Variants in SYNE2 observed in about 807,000 individuals in gnomAD.
SYNE2 encodes the protein nesprin-2.
SYNE2 carries 431 observed loss-of-function variants against 856.3 expected under a neutral mutation model. That is an observed-to-expected ratio of 0.50 (90% CI 0.47 to 0.55). The LOEUF is 0.55. SYNE2 is among the 20% of genes least tolerant of loss of function. SYNE2 has a pLI of 0.00. For missense variants in SYNE2, 8,129 were observed against 8,023.2 expected, an observed-to-expected ratio of 1.01 and a Z score of -0.50; for synonymous variants, 2,923 against 2,872.3, an observed-to-expected ratio of 1.02 and a Z score of -0.56.
intron 64 of SYNE2, among the ~76,000 whole-genome samples, chr14:64,102,557 A>G (rs554586811): frequency 2.3e-4 from 30 of 129,032 alleles, no homozygotes; most frequent in African/African-American, 7.5e-4. Context: ...TATTTATGGT[A>G]TACAACATGT....
rs745970190 is a variant in SYNE2, at chr14:64,026,756, C to T, written c.6404+26C>T. The T allele has an allele frequency of 1.1e-5, 18 of 1,588,748 alleles. No individual in the cohort carries two copies. In the East Asian group the frequency reaches 1.8e-4, roughly 16 times the overall value. On this transcript the variant is annotated intron_variant, in intron 42 of 115. Coordinates refer to ENST00000555002, the MANE Select transcript of SYNE2 (RefSeq NM_182914.3). ...GTAAAGGGCATGCCTGCACCACTTGCATCATATCCCATTGCCCAGTGAAGC... is the reference window on the plus strand; with the variant it reads ...GTAAAGGGCATGCCTGCACCACTTGTATCATATCCCATTGCCCAGTGAAGC...
intron 83 of SYNE2, among the ~76,000 whole-genome samples, chr14:64,145,228 G>T (rs533641069): frequency 8.9e-5 from 13 of 146,310 alleles, no homozygotes; most frequent in Non-Finnish European, 1.9e-4. Context: ...CGCCTGGCCG[G>T]GCAGCCTTTT....
upstream of SYNE2, among the ~76,000 whole-genome samples, chr14:63,850,056 A>G (rs1184043267): frequency 6.7e-6 from 1 of 150,058 alleles, no homozygotes; most frequent in Non-Finnish European, 1.5e-5. Context: ...TTGATGGGGC[A>G]TGGGGCATAA....
intron 87 of SYNE2, among the ~76,000 whole-genome samples, chr14:64,160,821 T>A (rs2098323605): frequency 6.6e-6 from 1 of 152,186 alleles, no homozygotes; most frequent in Non-Finnish European, 1.5e-5. Context: ...AAGACTAATA[T>A]CTTGAAATAC....
At chr14:63,976,321 T>G (rs2096542523) in intron 11 of SYNE2, among the ~76,000 whole-genome samples, 1 of 152,216 alleles carries the variant, frequency 6.6e-6, no homozygotes, top group Non-Finnish European at 1.5e-5. Context: ...AAAACGTTTG[T>G]TTTTTCTTAT....
Position 64,122,150 on chromosome 14 carries a change from T to C in SYNE2, c.13280+17T>C. 6.2e-7 allele frequency: 1 copy of C among 1,614,132 alleles called. No homozygotes were observed. Among genetic ancestry groups the C allele is most frequent in the Non-Finnish European group, 8.5e-7 (1 of 1,180,016 alleles). On this transcript the variant is annotated intron_variant, in intron 69 of 115. Transcript: ENST00000555002. ...ATCTGCAAGGTAAAACATTTAAAAATAGAGTTGGTCATTCAGTGGTTTTAT... is the reference window on the plus strand; with the variant it reads ...ATCTGCAAGGTAAAACATTTAAAAACAGAGTTGGTCATTCAGTGGTTTTAT...
intron 112 of SYNE2, 26 bp downstream of exon 112, chr14:64,221,730 A>C (rs755384550): frequency 6.2e-7 from 1 of 1,613,134 alleles, no homozygotes; most frequent in African/African-American, 1.3e-5. Context: ...AGGGCTCTGT[A>C]CTGCCACCAG....
rs2096732866 is a variant in SYNE2, at chr14:63,998,845, G to A, written c.3354-69G>A. The A allele has an allele frequency of 8.2e-6, 13 of 1,576,880 alleles. No homozygotes were observed. In the South Asian group the frequency reaches 1.3e-4, roughly 16 times the overall value. On this transcript the variant is annotated intron_variant, in intron 26 of 115. Transcript: ENST00000555002. ...CCCAAAGTGCTAGGATTACAGGTGTGAGCCACTGCGCTTGGCCTGTGTTAT... is the reference window on the plus strand; with the variant it reads ...CCCAAAGTGCTAGGATTACAGGTGTAAGCCACTGCGCTTGGCCTGTGTTAT...
intron 1 of SYNE2, among the ~76,000 whole-genome samples, chr14:63,862,616 A>G (rs1367969134): frequency 6.6e-6 from 1 of 152,212 alleles, no homozygotes; most frequent in Non-Finnish European, 1.5e-5. Flanking sequence ...CAATATGTGC[A>G]TTATACTTAT....
chr14:64,112,884 T>C (rs1284076157), intron 65 of SYNE2, among the ~76,000 whole-genome samples: 1 of 152,260 alleles, frequency 6.6e-6, no homozygotes, highest in East Asian at 1.9e-4. Context: ...TGGTATATTT[T>C]ATTGTATCCC....
chr14:64,225,397 CCTGCTG>C lies in SYNE2; in HGVS notation c.20604_20609del (p.Leu6870_Leu6871del), dbSNP rs751900744. 2 of 1,614,048 alleles carry C rather than the reference CCTGCTG, an allele frequency of 1.2e-6. No individual in the cohort carries two copies. The highest frequency in any genetic ancestry group is 2.2e-5 in the East Asian group (1 of 44,878). On this transcript the variant is annotated inframe_deletion, in exon 116 of 116. Coordinates refer to ENST00000555002, the MANE Select transcript of SYNE2 (RefSeq NM_182914.3). ...CAGCCCTACCCCTGCAGCTGCTCCT[CCTGCTG>C]CTGCTGCTCCTGGCCTGCCTGCTGC... is the stretch of plus-strand genomic sequence containing the variant.
chr14:63,990,642 G>A (rs113012007), intron 20 of SYNE2, 73 bp downstream of exon 20: 4 of 1,287,596 alleles, frequency 3.1e-6, no homozygotes, highest in South Asian at 2.4e-5. Flanking sequence ...GGCAGTGAAG[G>A]GGGGTGATAG....
chr14:64,076,373 G>C (rs2097459608), intron 54 of SYNE2, among the ~76,000 whole-genome samples: 1 of 151,952 alleles, frequency 6.6e-6, no homozygotes, highest in Admixed American at 6.6e-5. Flanking sequence ...ATTTTTTACT[G>C]GTTTTGTTTG....
intron 97 of SYNE2, among the ~76,000 whole-genome samples, chr14:64,188,206 G>C (rs917146289): frequency 6.6e-6 from 1 of 152,136 alleles, no homozygotes; most frequent in Non-Finnish European, 1.5e-5. Flanking sequence ...GATTTGATTC[G>C]TTGTTATAAG....
At chr14:64,070,546 C>G (rs1208686679) in intron 51 of SYNE2, 99 bp from the exon 52 acceptor site, 10 of 984,910 alleles carry the variant, frequency 1.0e-5, no homozygotes, top group African/African-American at 1.6e-5. Flanking sequence ...GCACTAGGAA[C>G]CCTTTGAAGA....
At chr14:64,203,926 C>A (rs905276421) in intron 100 of SYNE2, among the ~76,000 whole-genome samples, 1 of 152,132 alleles carries the variant, frequency 6.6e-6, no homozygotes, top group South Asian at 2.1e-4. Flanking sequence ...TATATTGCCC[C>A]GGCTGGTCTT....
At chr14:64,199,123 A>G (rs1460444680) in intron 99 of SYNE2, among the ~76,000 whole-genome samples, 1 of 152,206 alleles carries the variant, frequency 6.6e-6, no homozygotes, top group East Asian at 1.9e-4. Context: ...GGCACCTGCT[A>G]AGAGCCCAGG....
intron 1 of SYNE2, among the ~76,000 whole-genome samples, chr14:63,860,750 T>G (rs936824832): frequency 6.6e-6 from 1 of 152,220 alleles, no homozygotes; most frequent in Non-Finnish European, 1.5e-5. Context: ...AATTATTTTT[T>G]AAATACTTAT....
Position 63,993,940 on chromosome 14 carries a change from A to G in SYNE2, c.2752A>G (p.Lys918Glu), listed in dbSNP as rs1279176695. 6.2e-7 allele frequency: 1 copy of G among 1,613,776 alleles called. No homozygotes were observed. Among genetic ancestry groups the G allele is most frequent in the Non-Finnish European group, 8.5e-7 (1 of 1,179,854 alleles). ...TEDIKMSLEE[K>E]SRDVCAKWES... Reference sequence around the variant, plus strand: ...GGACATAAAGATGTCTTTAGAAGAAAAGAGTAGAGATGTCTGTGCCAAATG... The same window carrying G: ...GGACATAAAGATGTCTTTAGAAGAAGAGAGTAGAGATGTCTGTGCCAAATG... Residue 918 changes from lysine to glutamate, a missense_variant, in exon 22 of 116, where the codon AAG (lysine) becomes GAG (glutamate). This residue lies in a region of SYNE2 where 2,422 missense variants were observed against 2,357.4 expected (regional missense o/e 1.03). Transcript: ENST00000555002.
Sources: allele counts gnomAD v4.1 joint callset (sites outside exome capture counted in the v4.1 genomes callset), GRCh38; gene constraint gnomAD v4.1.1; regional missense constraint gnomAD v4.1.1; transcripts MANE v1.5; gene names NCBI Gene and HGNC (gene_info 2026-07-23, HGNC 2026-07-21).